CACNA2D1: variants seen among roughly 807,000 people sequenced by gnomAD.
CACNA2D1 encodes the protein voltage-dependent calcium channel subunit alpha-2/delta-1.
Under a neutral mutation model 171.5 loss-of-function variants are expected in CACNA2D1, and 53 were observed. That is an observed-to-expected ratio of 0.31 (90% CI 0.25 to 0.39). CACNA2D1 has a LOEUF of 0.39. Ranked by LOEUF, CACNA2D1 falls within the 10% of genes least tolerant of loss-of-function variation. The pLI is 1.00. For synonymous variants in CACNA2D1, 442 were observed against 443.1 expected (o/e 1.00, Z 0.03); for missense variants, 903 against 1,299.8 (o/e 0.69, Z 4.69).
Position 82,060,172 on chromosome 7 carries a change from A to T in CACNA2D1, c.879+256T>A, listed in dbSNP as rs1584585019. ...TATGTATTATATATATATAATATAT[A>T]TATATAATATATATATATTATATAT... On this transcript the variant is annotated intron_variant, in intron 10 of 38. Transcript: ENST00000356860. 5.6e-5 allele frequency among the ~76,000 whole-genome samples: 2 copies of T among 35,520 alleles called. 1 individual carries two copies. Among genetic ancestry groups the T allele is most frequent in the African/African-American group, 1.6e-4 (2 of 12,236 alleles). The allele number at this position is 35,520 out of a possible 152,430, so 23.3% of individuals were successfully genotyped here. A position where few individuals can be genotyped will look rare whatever the true frequency, so the allele number is the denominator to read the frequency against.
chr7:82,058,358 T>A (rs537279988), intron 10 of CACNA2D1, among the ~76,000 whole-genome samples: 1 of 152,160 alleles, frequency 6.6e-6, no homozygotes, highest in African/African-American at 2.4e-5. Context: ...GCTAGTTTTA[T>A]ATAAATTTCA....
chr7:82,130,783 GTT>G (rs987590872), intron 5 of CACNA2D1, among the ~76,000 whole-genome samples: 4 of 130,146 alleles, frequency 3.1e-5, no homozygotes, highest in African/African-American at 1.1e-4. Flanking sequence ...TTTTGTTGTT[GTT>G]TTTGTCTTTT....
At chr7:82,311,222 C>CAA (rs1814424496) in intron 3 of CACNA2D1, among the ~76,000 whole-genome samples, 1 of 151,672 alleles carries the variant, frequency 6.6e-6, no homozygotes, top group Non-Finnish European at 1.5e-5. Flanking sequence ...GCTTTTTGTC[C>CAA]ATAAAAGCTT....
intron 3 of CACNA2D1, among the ~76,000 whole-genome samples, chr7:82,274,674 T>C (rs1017767454): frequency 6.6e-6 from 1 of 152,166 alleles, no homozygotes; most frequent in Non-Finnish European, 1.5e-5. Flanking sequence ...GGGAGCACCA[T>C]ATCTATATTG....
chr7:82,170,576 C>A lies in CACNA2D1; in HGVS notation c.328G>T (p.Ala110Ser). The stretch of plus-strand genomic sequence containing the variant: ...GCAAAATCTTCTCTCCACTGGTGAG[C>A]TGCTTGAACTTTCTCCGCTTCCAAT... ...LALEAEKVQA[A>S]HQWREDFASN... Residue 110 changes from alanine to serine, a missense_variant, in exon 4 of 39, where the codon GCT becomes TCT. Ala to Ser is a moderately conservative substitution (Grantham distance 99, BLOSUM62 1). Transcript: ENST00000356860. 6.2e-7 allele frequency: 1 copy of A among 1,612,610 alleles called. No homozygotes were observed.
intron 3 of CACNA2D1, among the ~76,000 whole-genome samples, chr7:82,302,522 C>T (rs1813152000): frequency 6.6e-6 from 1 of 151,088 alleles, no homozygotes; most frequent in Admixed American, 6.6e-5. Flanking sequence ...TCAGGGGATT[C>T]TCCTGCCTCA....
intron 1 of CACNA2D1, among the ~76,000 whole-genome samples, chr7:82,424,151 A>G (rs1828969061): frequency 6.6e-6 from 1 of 152,144 alleles, no homozygotes; most frequent in Admixed American, 6.5e-5. Flanking sequence ...CCCTGGTGCT[A>G]GCAAATTAAT....
intron 3 of CACNA2D1, among the ~76,000 whole-genome samples, chr7:82,334,682 GA>G (rs1225426617): frequency 1.3e-5 from 2 of 150,400 alleles, no homozygotes; most frequent in African/African-American, 2.5e-5. Flanking sequence ...TTTTTAAAAA[GA>G]AAAAAAATGG....
intron 1 of CACNA2D1, among the ~76,000 whole-genome samples, chr7:82,400,948 T>C (rs200541660): frequency 6.6e-6 from 1 of 151,916 alleles, no homozygotes; most frequent in East Asian, 1.9e-4. Context: ...AAAAAACACA[T>C]GAAAAAATGC....
Position 81,948,982 on chromosome 7 carries a change from T to G in CACNA2D1, c.*1410A>C, listed in dbSNP as rs1171793905. 2.0e-5 allele frequency: 3 copies of G among 152,014 alleles called. No homozygotes were observed. Among genetic ancestry groups the G allele is most frequent in the Admixed American group, 6.6e-5 (1 of 15,234 alleles). 9.4% of individuals were successfully genotyped at this position (152,014 alleles called of 1,614,324 possible). On this transcript the variant is annotated 3_prime_UTR_variant, in exon 39 of 39. Transcript: ENST00000356860. ...ACAATCAAGTATTCATGTGCATACA[T>G]AGAGATTCAAGGTTTCCTATTTGTT...
At chr7:82,037,976 C>T in intron 11 of CACNA2D1, 101 bp downstream of exon 11, 2 of 1,117,534 alleles carry the variant, frequency 1.8e-6, no homozygotes, top group Non-Finnish European at 2.7e-6. Flanking sequence ...AAATGAAAAA[C>T]AGCACTATCT....
intron 8 of CACNA2D1, among the ~76,000 whole-genome samples, chr7:82,064,765 C>A (rs1282930993): frequency 6.6e-6 from 1 of 151,802 alleles, no homozygotes; most frequent in African/African-American, 2.4e-5. Flanking sequence ...TGCTTAGGAA[C>A]ATCAAAAAGC....
At chr7:82,224,579 C>T (rs187910122) in intron 3 of CACNA2D1, among the ~76,000 whole-genome samples, 187 of 151,830 alleles carry the variant, frequency 1.2e-3, no homozygotes, top group African/African-American at 4.3e-3. Flanking sequence ...GAGACTCCGA[C>T]TCGAAAAAAA....
intron 1 of CACNA2D1, among the ~76,000 whole-genome samples, chr7:82,364,777 G>C (rs189174100): frequency 6.2e-4 from 94 of 152,246 alleles, no homozygotes; most frequent in Admixed American, 5.6e-3. Flanking sequence ...GTTTCTAATT[G>C]CCATCCCAGC....
intron 12 of CACNA2D1, among the ~76,000 whole-genome samples, chr7:82,024,971 G>T: frequency 6.6e-6 from 1 of 151,376 alleles, no homozygotes; most frequent in East Asian, 1.9e-4. Flanking sequence ...AGTTATTTCT[G>T]GGATCTCTAT....
At chr7:82,288,072 C>T (rs556566705) in intron 3 of CACNA2D1, among the ~76,000 whole-genome samples, 120 of 151,396 alleles carry the variant, frequency 7.9e-4, no homozygotes, top group African/African-American at 2.8e-3. Context: ...GATCTCCTGA[C>T]CTCGTGATCT....
chr7:82,335,195 C>A lies in CACNA2D1; in HGVS notation c.234G>T (p.Leu78=). 1.2e-6 allele frequency: 2 copies of A among 1,613,410 alleles called. No homozygotes were observed. Among genetic ancestry groups the A allele is most frequent in the Non-Finnish European group, 8.5e-7 (1 of 1,179,558 alleles). Residue 78 remains leucine, a synonymous_variant, in exon 3 of 39, where the codon CTG becomes CTT. Coordinates refer to ENST00000356860, the MANE Select transcript of CACNA2D1 (RefSeq NM_000722.4). The part of the protein sequence containing the change: ...YTVEPNNARQ[L]VEIAARDIEK... ...CAATATCCCTGGCTGCAATTTCTAC[C>A]AGCTGGCGTGCATTATTTGGTTCCA...
intron 5 of CACNA2D1, among the ~76,000 whole-genome samples, chr7:82,131,552 G>A (rs1401222222): frequency 2.0e-5 from 3 of 151,980 alleles, no homozygotes; most frequent in African/African-American, 7.2e-5. Context: ...TCTTTCAACA[G>A]CCCTCGGATA....
At chr7:82,358,701 C>T (rs1044000120) in intron 1 of CACNA2D1, among the ~76,000 whole-genome samples, 9 of 150,938 alleles carry the variant, frequency 6.0e-5, no homozygotes, top group African/African-American at 1.5e-4. Context: ...TGTGTGTGTG[C>T]GTGCATCTGT....
Sources: gnomAD v4.1 joint callset for allele counts (sites outside exome capture counted in the v4.1 genomes callset) on GRCh38, gnomAD v4.1.1 for gene constraint, MANE v1.5 for transcripts, NCBI Gene and HGNC (gene_info 2026-07-23, HGNC 2026-07-21) for gene names.